PCDHGA9: variants seen among roughly 807,000 people sequenced by gnomAD.
The protein encoded by PCDHGA9 is protocadherin gamma-A9.
Under a neutral mutation model 62.5 loss-of-function variants are expected in PCDHGA9, and 37 were observed. That is an observed-to-expected ratio of 0.59 (90% CI 0.46 to 0.78). The LOEUF (loss-of-function observed/expected upper bound fraction) is 0.78, where lower values mean the gene tolerates loss of function less well. Ranked by LOEUF, PCDHGA9 falls within the 30% of genes least tolerant of loss-of-function variation. PCDHGA9 has a pLI of 0.00. For synonymous variants in PCDHGA9, 459 were observed against 484.6 expected, an observed-to-expected ratio of 0.95 and a Z score of 0.69; for missense variants, 1,138 against 1,166.2, an observed-to-expected ratio of 0.98 and a Z score of 0.35.
At position 141,487,641 on chromosome 5, in the gene PCDHGA9, T is replaced by C. The variant is rs1343702532; in HGVS notation, c.2425-7166T>C. The stretch of plus-strand genomic sequence containing the variant: ...GTGAGACCTTTGCAGGCTCAACAAA[T>C]GCTTGAGGGTTATTCTGATCCAGGC... On this transcript the variant is annotated intron_variant, in intron 1 of 3. Coordinates refer to ENST00000573521, the MANE Select transcript of PCDHGA9 (RefSeq NM_018921.3). The surrounding 1 kb of genome is among the most constrained non-coding windows in gnomAD (Gnocchi z 5.0). The C allele has an allele frequency of 6.2e-7, 1 of 1,614,122 alleles. No individual in the cohort carries two copies. Among genetic ancestry groups the C allele is most frequent in the Non-Finnish European group, 8.5e-7 (1 of 1,179,998 alleles).
rs1231863269 is a variant in PCDHGA9 at position 141,485,594 on chromosome 5, G to A, written c.2425-9213G>A. 1.9e-6 allele frequency: 3 copies of A among 1,612,578 alleles called. No individual in the cohort carries two copies. The highest frequency in any genetic ancestry group is 2.5e-6 in the Non-Finnish European group (3 of 1,178,798). On this transcript the variant is annotated intron_variant, in intron 1 of 3. Transcript: ENST00000573521. The surrounding 1 kb of genome is among the most constrained non-coding windows in gnomAD (Gnocchi z 5.7). ...TTTTCCGCGGCAGCAGCTGGACTTGGAAATTGGGGAGGCAGCTCCTCCAGG... is the reference window on the plus strand; with the variant it reads ...TTTTCCGCGGCAGCAGCTGGACTTGAAAATTGGGGAGGCAGCTCCTCCAGG...
rs965707754 is a variant in PCDHGA9 at position 141,505,329 on chromosome 5, G to A, written c.2484-64G>A. On this transcript the variant is annotated intron_variant, in intron 2 of 3. Coordinates refer to ENST00000573521, the MANE Select transcript of PCDHGA9 (RefSeq NM_018921.3). ...ACTAGGTTTGGGAGCCCTGGGAGAG[G>A]ACAGGAGGGGCATGAGCTGTGCCGG... is the stretch of plus-strand genomic sequence containing the variant. The A allele has an allele frequency of 2.5e-6, 4 of 1,610,060 alleles. No individual in the cohort carries two copies. The African/African-American group carries it at 5.3e-5, about 22-fold the overall frequency.
At chr5:141,415,153 G>A in intron 1 of PCDHGA9, 4 of 1,613,780 alleles carry the variant, frequency 2.5e-6, no homozygotes, top group South Asian at 2.2e-5. Flanking sequence ...CCCTCTCTCC[G>A]CCACTGTCAC....
chr5:141,484,552 G>T (rs2099597743), intron 1 of PCDHGA9, among the ~76,000 whole-genome samples: 1 of 152,138 alleles, frequency 6.6e-6, no homozygotes, highest in African/African-American at 2.4e-5. Context: ...CTAATTAGCA[G>T]TTGCTCCAAT....
chr5:141,430,975 G>A (rs776670383), intron 1 of PCDHGA9: 2 of 1,613,208 alleles, frequency 1.2e-6, no homozygotes, highest in Admixed American at 1.7e-5. Flanking sequence ...GAGGTAGGAC[G>A]CAGCTTTTCG....
intron 1 of PCDHGA9, chr5:141,428,269 C>T (rs1326212294): frequency 1.3e-6 from 1 of 777,738 alleles, no homozygotes; most frequent in Non-Finnish European, 2.2e-6. Flanking sequence ...CAGTCCTGTG[C>T]CCTCTGATTC....
chr5:141,441,838 C>A, intron 1 of PCDHGA9: 1 of 355,582 alleles, frequency 2.8e-6, no homozygotes, highest in Non-Finnish European at 5.5e-6. Context: ...TGGCTTCGCG[C>A]TCTTGGATAT....
chr5:141,454,587 G>A (rs1000852095), intron 1 of PCDHGA9, among the ~76,000 whole-genome samples: 22 of 150,902 alleles, frequency 1.5e-4, no homozygotes, highest in African/African-American at 5.4e-4. Context: ...TGTATTTTTA[G>A]TAGAGACAGG....
intron 1 of PCDHGA9, among the ~76,000 whole-genome samples, chr5:141,458,247 C>T (rs758242859): frequency 4.6e-5 from 7 of 152,100 alleles, no homozygotes; most frequent in South Asian, 2.1e-4. Flanking sequence ...CAAAATGATA[C>T]GGCTCTGATG....
intron 1 of PCDHGA9, among the ~76,000 whole-genome samples, chr5:141,444,770 C>A (rs1382748105): frequency 2.6e-5 from 4 of 152,078 alleles, no homozygotes; most frequent in African/African-American, 9.7e-5. Context: ...TTTCTATATT[C>A]TTGATCATGT....
chr5:141,438,122 A>T (rs1272350030), intron 1 of PCDHGA9, among the ~76,000 whole-genome samples: 1 of 152,214 alleles, frequency 6.6e-6, no homozygotes, highest in Non-Finnish European at 1.5e-5. Flanking sequence ...CATTCCTAAA[A>T]TATTAATGGC....
At chr5:141,433,360 T>C (rs1313053553) in intron 1 of PCDHGA9, 46 of 298,056 alleles carry the variant, frequency 1.5e-4, no homozygotes, top group Non-Finnish European at 2.5e-4. Context: ...ACTGTCTGCC[T>C]ATCTATCTAT....
intron 1 of PCDHGA9, among the ~76,000 whole-genome samples, chr5:141,464,139 C>T (rs1200161549): frequency 6.6e-6 from 1 of 151,928 alleles, no homozygotes; most frequent in Admixed American, 6.6e-5. Flanking sequence ...GTGGTGGGCG[C>T]CTGTAGTCCC....
rs150714552 is a variant in PCDHGA9, at chr5:141,473,285, G to A, written c.2425-21522G>A. On this transcript the variant is annotated intron_variant, in intron 1 of 3. Transcript: ENST00000573521. ...GTGTATGCTATGATTATTTTACTATGTCAGTAGCATAAAGATTGCTATATT... is the reference window on the plus strand; with the variant it reads ...GTGTATGCTATGATTATTTTACTATATCAGTAGCATAAAGATTGCTATATT... 3.9e-3 allele frequency among the ~76,000 whole-genome samples: 590 copies of A among 152,296 alleles called. 6 individuals are homozygous for A. Among genetic ancestry groups the A allele is most frequent in the Admixed American group, 0.011 (170 of 15,296 alleles).
At position 141,491,299 on chromosome 5, in the gene PCDHGA9, C is replaced by T. The variant is rs777271881; in HGVS notation, c.2425-3508C>T. ...TGACTTCCTCATACACCCTCCTGAG[C>T]GTTCAGACCTTACCCTTTACCTCAT... On this transcript the variant is annotated intron_variant, in intron 1 of 3. Transcript: ENST00000573521. This position sits in a 1 kb window ranked among gnomAD's most constrained non-coding sequence, Gnocchi z 6.9. 3.7e-6 allele frequency: 6 copies of T among 1,614,068 alleles called. No individual in the cohort carries two copies. Among genetic ancestry groups the T allele is most frequent in the Non-Finnish European group, 5.1e-6 (6 of 1,179,896 alleles).
chr5:141,489,364 G>A lies in PCDHGA9; in HGVS notation c.2425-5443G>A, dbSNP rs2099686163. On this transcript the variant is annotated intron_variant, in intron 1 of 3. Coordinates refer to ENST00000573521, the MANE Select transcript of PCDHGA9 (RefSeq NM_018921.3). The surrounding 1 kb of genome is among the most constrained non-coding windows in gnomAD (Gnocchi z 4.5). The stretch of plus-strand genomic sequence containing the variant: ...CTCAGTGGTGGAGGAGTCTGAGCCG[G>A]GGACGCTGGTGGGGAATGTTGCTCA... 1 of 1,613,450 alleles carries A rather than the reference G, an allele frequency of 6.2e-7. No homozygotes were observed. The highest frequency in any genetic ancestry group is 1.1e-5 in the South Asian group (1 of 91,042).
At chr5:141,479,273 T>G (rs1723290487) in intron 1 of PCDHGA9, 1 of 152,386 alleles carries the variant, frequency 6.6e-6, no homozygotes, top group South Asian at 2.1e-4. Context: ...AGTAATAATT[T>G]ATTTCAAAAA....
intron 1 of PCDHGA9, chr5:141,428,142 C>A: frequency 6.3e-7 from 1 of 1,594,260 alleles, no homozygotes; most frequent in Non-Finnish European, 8.6e-7. Flanking sequence ...CCTGGGGCTG[C>A]ACACGGGAAC....
At chr5:141,419,311 C>G (rs745852942) in intron 1 of PCDHGA9, 1 of 1,613,994 alleles carries the variant, frequency 6.2e-7, no homozygotes, top group Non-Finnish European at 8.5e-7. Flanking sequence ...TCGGGCTCAA[C>G]GGCCGTGTCT....
Sources: allele counts gnomAD v4.1 joint callset (sites outside exome capture counted in the v4.1 genomes callset), GRCh38; gene constraint gnomAD v4.1.1; non-coding constraint Gnocchi (gnomAD v3.1); transcripts MANE v1.5; gene names NCBI Gene and HGNC (gene_info 2026-07-23, HGNC 2026-07-21).